ARFGEF1: variants seen among roughly 807,000 people sequenced by gnomAD.
ARFGEF1 encodes the protein brefeldin A-inhibited guanine nucleotide-exchange protein 1.
Under a neutral mutation model 231.0 loss-of-function variants are expected in ARFGEF1, and 42 were observed. That is an observed-to-expected ratio of 0.18 (90% confidence interval 0.14 to 0.24). ARFGEF1 has a LOEUF of 0.24. ARFGEF1 is among the 10% of genes least tolerant of loss of function. The pLI is 1.00. For synonymous variants in ARFGEF1, 710 were observed against 732.3 expected (o/e 0.97, Z 0.49); for missense variants, 1,345 against 2,192.0 (o/e 0.61, Z 7.72).
chr8:67,219,776 G>C (rs770477545), intron 29 of ARFGEF1, among the ~76,000 whole-genome samples: 1 of 152,130 alleles, frequency 6.6e-6, no homozygotes, highest in Admixed American at 6.5e-5. Context: ...GGTCTTGGCT[G>C]TAAACTTTTT....
chr8:67,180,884 C>T (rs532666371), intron 5 of ARFGEF1, among the ~76,000 whole-genome samples: 3 of 151,850 alleles, frequency 2.0e-5, no homozygotes, highest in African/African-American at 4.8e-5. Context: ...TATACACTTA[C>T]GATTATGTAC....
intron 7 of ARFGEF1, among the ~76,000 whole-genome samples, chr8:67,284,905 G>A (rs1305838162): frequency 3.9e-5 from 6 of 152,136 alleles, no homozygotes; most frequent in Non-Finnish European, 5.9e-5. Flanking sequence ...GAAGTTGAAG[G>A]TGAACCTGGA....
Position 67,197,757 on chromosome 8 carries a change from A to G in ARFGEF1, c.*1177T>C. 1 of 985,856 alleles carries G rather than the reference A, an allele frequency of 1.0e-6. No individual in the cohort carries two copies. The highest frequency in any genetic ancestry group is 4.7e-5 in the South Asian group (1 of 21,290). The allele number at this position is 985,856 out of a possible 1,614,324, so 61.1% of individuals were successfully genotyped here. A position where few individuals can be genotyped will look rare whatever the true frequency, so the allele number is the denominator to read the frequency against. On this transcript the variant is annotated 3_prime_UTR_variant, in exon 39 of 39. Transcript: ENST00000262215. ...CAATATTGTACAGAAAGTTGTACAGAATTTTTTACATAGAAAACTTTACAT... is the reference window on the plus strand; with the variant it reads ...CAATATTGTACAGAAAGTTGTACAGGATTTTTTACATAGAAAACTTTACAT...
chr8:67,311,657 G>C (rs1388280915), intron 1 of ARFGEF1, among the ~76,000 whole-genome samples: 1 of 151,804 alleles, frequency 6.6e-6, no homozygotes, highest in Non-Finnish European at 1.5e-5. Context: ...CGTCCGGGAG[G>C]TGAGGGGCGC....
At chr8:67,185,192 GTTCTC>G (rs1344677351) in intron 5 of ARFGEF1, among the ~76,000 whole-genome samples, 1 of 151,986 alleles carries the variant, frequency 6.6e-6, no homozygotes, top group Non-Finnish European at 1.5e-5. Flanking sequence ...CTGCATGGCT[GTTCTC>G]TTGAGAAGTG....
At chr8:67,267,549 T>C in intron 10 of ARFGEF1, 107 bp from the exon 11 acceptor site, 1 of 670,524 alleles carries the variant, frequency 1.5e-6, no homozygotes, top group African/African-American at 1.8e-5. Flanking sequence ...ACCCAGGCTC[T>C]TATGGAGTTC....
chr8:67,216,011 T>C (rs1838915943), intron 33 of ARFGEF1, among the ~76,000 whole-genome samples: 1 of 152,156 alleles, frequency 6.6e-6, no homozygotes, highest in Non-Finnish European at 1.5e-5. Context: ...CCTTAAAAAA[T>C]CATTTTGTTC....
At chr8:67,231,774 T>G (rs1300917223) in intron 23 of ARFGEF1, among the ~76,000 whole-genome samples, 6 of 152,040 alleles carry the variant, frequency 3.9e-5, no homozygotes, top group African/African-American at 2.4e-5. Context: ...TATTTAATCT[T>G]TTTCTGTCTC....
chr8:67,256,147 C>T (rs1840446382), intron 17 of ARFGEF1, among the ~76,000 whole-genome samples: 1 of 152,058 alleles, frequency 6.6e-6, no homozygotes, highest in South Asian at 2.1e-4. Flanking sequence ...GTAAAAATAT[C>T]TAAACAAATC....
intron 5 of ARFGEF1, among the ~76,000 whole-genome samples, chr8:67,293,254 A>G (rs1484654540): frequency 1.3e-5 from 2 of 152,108 alleles, no homozygotes; most frequent in African/African-American, 4.8e-5. Context: ...TCAGTTCTGC[A>G]GTTGTTTAAG....
At position 67,218,086 on chromosome 8, in the gene ARFGEF1, T is replaced by A. The variant is rs753691197; in HGVS notation, c.4391A>T (p.Asp1464Val). Reference protein sequence around the residue: ...TCNHALYAICDVFTQYLEVLS... With the variant: ...TCNHALYAICVVFTQYLEVLS... Reference sequence around the variant, plus strand: ...TACTTCTAAATACTGAGTGAATACATCACAGATTGCATAAAGTGCATGATT... The same window carrying A: ...TACTTCTAAATACTGAGTGAATACAACACAGATTGCATAAAGTGCATGATT... The change falls in exon 31 of 39, where the codon GAT becomes GTT. Residue 1464 changes from aspartate (D) to valine (V), a missense_variant. Around this residue, in one of 14 missense-constraint regions of ARFGEF1, gnomAD observed 18 missense variants for 63.5 expected, o/e 0.28. Coordinates refer to ENST00000262215, the MANE Select transcript of ARFGEF1 (RefSeq NM_006421.5). The A allele has an allele frequency of 6.3e-7, 1 of 1,594,124 alleles. No individual in the cohort carries two copies. The highest frequency in any genetic ancestry group is 1.1e-5 in the South Asian group (1 of 87,274).
intron 20 of ARFGEF1, among the ~76,000 whole-genome samples, chr8:67,239,875 CAAATT>C (rs531864623): frequency 8.3e-4 from 126 of 152,060 alleles, no homozygotes; most frequent in Middle Eastern, 6.8e-3. Flanking sequence ...ACAAGATGTT[CAAATT>C]AACATAGGAA....
At chr8:67,197,374 C>T (rs1038209534), downstream of ARFGEF1, among the ~76,000 whole-genome samples, 1 of 152,076 alleles carries the variant, frequency 6.6e-6, no homozygotes, top group Admixed American at 6.5e-5. Flanking sequence ...GAATCGTGAG[C>T]CCAGTTTGAG....
intron 3 of ARFGEF1, among the ~76,000 whole-genome samples, chr8:67,300,720 TG>T (rs1806447474): frequency 6.7e-6 from 1 of 149,852 alleles, no homozygotes; most frequent in South Asian, 2.1e-4. Context: ...TACACACACC[TG>T]TATTCCCAAC....
intron 1 of ARFGEF1, among the ~76,000 whole-genome samples, chr8:67,333,626 G>T (rs1808208010): frequency 1.3e-5 from 2 of 151,960 alleles, no homozygotes; most frequent in South Asian, 4.2e-4. Flanking sequence ...TCAATTTTTT[G>T]AAGAATATGC....
At chr8:67,218,789 AT>A (rs1240322005) in intron 30 of ARFGEF1, among the ~76,000 whole-genome samples, 1 of 152,224 alleles carries the variant, frequency 6.6e-6, no homozygotes, top group Admixed American at 6.5e-5. Flanking sequence ...AATAAATAAA[AT>A]TTACTTTGTA....
chr8:67,271,628 T>C (rs1805104975), intron 10 of ARFGEF1, 74 bp downstream of exon 10: 1 of 1,067,352 alleles, frequency 9.4e-7, no homozygotes, highest in East Asian at 2.4e-5. Context: ...AACTTTGCAG[T>C]GTATTCAAAT....
rs527372531 is a variant in ARFGEF1 at position 67,190,761 on chromosome 8, T to C, written c.560+9635A>G. On this transcript the variant is annotated intron_variant, in intron 5 of 5. Coordinates refer to the ARFGEF1 transcript ENST00000518789. ...AACAAATGGAAAGGACTAGACATTGTATGTATGAGACTTTTCTCCCCCTTT... is the reference window on the plus strand; with the variant it reads ...AACAAATGGAAAGGACTAGACATTGCATGTATGAGACTTTTCTCCCCCTTT... 1.9e-6 allele frequency: 3 copies of C among 1,592,982 alleles called. No homozygotes were observed. The South Asian group carries it at 3.3e-5, about 18-fold the overall frequency.
At chr8:67,250,201 A>G (rs553256291) in intron 19 of ARFGEF1, among the ~76,000 whole-genome samples, 70 of 152,278 alleles carry the variant, frequency 4.6e-4, no homozygotes, top group African/African-American at 1.5e-3. Context: ...TCAAGTAAGA[A>G]GCTGGCATTT....
Sources: allele counts gnomAD v4.1 joint callset (sites outside exome capture counted in the v4.1 genomes callset), GRCh38; gene constraint gnomAD v4.1.1; regional missense constraint gnomAD v4.1.1; transcripts MANE v1.5; gene names NCBI Gene and HGNC (gene_info 2026-07-23, HGNC 2026-07-21).